Variants in SLC25A23 observed in about 807,000 individuals in gnomAD.
SLC25A23 encodes mitochondrial adenyl nucleotide antiporter SLC25A23.
Under a neutral mutation model 53.9 loss-of-function variants are expected in SLC25A23, and 32 were observed. The observed-to-expected ratio is 0.59, with a 90% confidence interval of 0.45 to 0.80. SLC25A23 has a LOEUF of 0.80. Ranked by LOEUF, SLC25A23 falls within the 30% of genes least tolerant of loss-of-function variation. The probability of loss-of-function intolerance (pLI) is 0.00; values close to 1 mark genes in which losing one functional copy is unlikely to be tolerated. For missense variants in SLC25A23, 575 were observed against 651.4 expected (o/e 0.88, Z 1.28); for synonymous variants, 275 against 264.5 (o/e 1.04, Z -0.38).
In SLC25A23 at chr19:6,452,442, T is replaced by C. The variant is rs2092606094; in HGVS notation, c.941A>G (p.Gln314Arg). 9 of 1,611,974 alleles carry C rather than the reference T, an allele frequency of 5.6e-6. No individual in the cohort carries two copies. The highest frequency in any genetic ancestry group is 7.6e-6 in the Non-Finnish European group (9 of 1,178,548). ...GGCGCAGTCCAGCAGCCCCTTATAC[T>C]GGCCCGTCCGGCGCAAGGTCAGCCG... ...KTRLTLRRTGQYKGLLDCARR... is the reference protein window; with the variant it reads ...KTRLTLRRTGRYKGLLDCARR... Residue 314 changes from glutamine (Q) to arginine (R), a missense_variant, in exon 8 of 10, where the codon CAG becomes CGG. Transcript: ENST00000301454.
rs752493237 is a variant in SLC25A23 at position 6,458,338 on chromosome 19, A to G, written c.157-14T>C. The G allele has an allele frequency of 1.9e-6, 3 of 1,610,218 alleles. No homozygotes were observed. Among genetic ancestry groups the G allele is most frequent in the South Asian group, 1.1e-5 (1 of 90,828 alleles). On this transcript the variant is annotated splice_polypyrimidine_tract_variant and intron_variant, in intron 1 of 9. Transcript: ENST00000301454. Reference sequence around the variant, plus strand: ...AGAGGAGATACCCTGACAGAGGGAAAGGGGATAGAGGTGGCTCCAGGAACC... The same window carrying G: ...AGAGGAGATACCCTGACAGAGGGAAGGGGGATAGAGGTGGCTCCAGGAACC...
chr19:6,448,270 G>A (rs1403795903), intron 8 of SLC25A23, among the ~76,000 whole-genome samples: 1 of 152,190 alleles, frequency 6.6e-6, no homozygotes, highest in Non-Finnish European at 1.5e-5. Context: ...TGCTGTGATG[G>A]ATTAGTAATG....
In SLC25A23 at chr19:6,454,356, G is replaced by A. The variant is rs10402833; in HGVS notation, c.762C>T (p.Pro254=). The A allele has an allele frequency of 0.015, 24,836 of 1,614,062 alleles. 254 individuals carry two copies. Among genetic ancestry groups the A allele is most frequent in the South Asian group, 0.032 (2,912 of 91,066 alleles). Residue 254 remains proline, a synonymous_variant, in exon 6 of 10, where the codon CCC becomes CCT. Coordinates refer to ENST00000301454, the MANE Select transcript of SLC25A23 (RefSeq NM_024103.3). The surrounding 1 kb of genome is among the most constrained non-coding windows in gnomAD (Gnocchi z 4.3). ...GNGINVLKIA[P]ESAIKFMAYE... is the part of the protein sequence containing the mutation. The stretch of plus-strand genomic sequence containing the variant: ...AGGCCATGAACTTGATAGCTGACTC[G>A]GGGGCAATCTTGAGTACATTAATAC...
In SLC25A23 at chr19:6,459,772, G is replaced by T; in HGVS notation, c.-144C>A. The T allele has an allele frequency of 3.1e-6, 2 of 635,560 alleles. No homozygotes were observed. Among genetic ancestry groups the T allele is most frequent in the Non-Finnish European group, 4.4e-6 (2 of 458,796 alleles). The allele number at this position is 635,560 out of a possible 1,614,324, so 39.4% of individuals were successfully genotyped here. On this transcript the variant is annotated 5_prime_UTR_variant, in exon 1 of 10. Transcript: ENST00000301454. This position sits in a 1 kb window ranked among gnomAD's most constrained non-coding sequence, Gnocchi z 4.6. ...CCTCCGCGCAGTCCGCTCGGCTCTG[G>T]CACTTGCGGGAGGTGGTGACGGCTA...
intron 8 of SLC25A23, among the ~76,000 whole-genome samples, chr19:6,451,202 A>G (rs1021784666): frequency 5.9e-5 from 9 of 151,932 alleles, no homozygotes; most frequent in Non-Finnish European, 1.0e-4. Context: ...CAGCCTGGCC[A>G]ACATGGTGAA....
At chr19:6,445,789 C>A (rs529036015) in intron 8 of SLC25A23, among the ~76,000 whole-genome samples, 2 of 152,212 alleles carry the variant, frequency 1.3e-5, no homozygotes, top group East Asian at 1.9e-4. Context: ...TGGTGACTCA[C>A]GCCTGTAATC....
At position 6,444,284 on chromosome 19, in the gene SLC25A23, C is replaced by G; in HGVS notation, c.1089G>C (p.Trp363Cys). The G allele has an allele frequency of 6.2e-7, 1 of 1,608,112 alleles. No individual in the cohort carries two copies. The highest frequency in any genetic ancestry group is 8.5e-7 in the Non-Finnish European group (1 of 1,177,726). The change falls in exon 9 of 10, where the codon TGG (tryptophan) becomes TGC (cysteine). Residue 363 changes from tryptophan to cysteine, a missense_variant. By Grantham distance (215) the Trp-to-Cys change is radical. Transcript: ENST00000301454. ...LAVYETLKNW[W>C]LQQYSHDSAD... ...CCGAGTCGTGGCTGTACTGCTGAAG[C>G]CACCAGTTCTTCAGAGTCTGGAGTG...
chr19:6,449,704 G>A (rs1233126760), intron 8 of SLC25A23, among the ~76,000 whole-genome samples: 2 of 151,446 alleles, frequency 1.3e-5, no homozygotes, highest in African/African-American at 2.4e-5. Flanking sequence ...GTGAGCCACC[G>A]TGCCTGGCCA....
At chr19:6,457,427 G>C (rs781143717) in intron 3 of SLC25A23, 76 bp downstream of exon 3, 42 of 1,339,340 alleles carry the variant, frequency 3.1e-5, no homozygotes, top group Non-Finnish European at 4.3e-5. Flanking sequence ...ACTGGGTCTG[G>C]AGCCCAGAAG....
downstream of SLC25A23, among the ~76,000 whole-genome samples, chr19:6,436,616 C>T (rs1046903692): frequency 6.6e-6 from 1 of 151,194 alleles, no homozygotes; most frequent in Non-Finnish European, 1.5e-5. Flanking sequence ...GTGGCACAAT[C>T]TCGACTCACT....
At chr19:6,436,498 AG>A, downstream of SLC25A23, 6 of 350,570 alleles carry the variant, frequency 1.7e-5, no homozygotes, top group Middle Eastern at 4.0e-4. Flanking sequence ...AGAAAGGGGG[AG>A]AGAGAGAGAG....
intron 4 of SLC25A23, chr19:6,456,175 C>T (rs2145055485): frequency 1.5e-6 from 2 of 1,320,260 alleles, no homozygotes; most frequent in Non-Finnish European, 2.0e-6. Flanking sequence ...ACACGCTGTC[C>T]CCAGAGGCCC....
At chr19:6,446,997 T>C (rs1250325166) in intron 8 of SLC25A23, among the ~76,000 whole-genome samples, 1 of 151,284 alleles carries the variant, frequency 6.6e-6, no homozygotes, top group Admixed American at 6.6e-5. Flanking sequence ...ATGTCCAGGG[T>C]TGCTGGGAAC....
At position 6,449,500 on chromosome 19, in the gene SLC25A23, C is replaced by T. The variant is rs981373117; in HGVS notation, c.1071+2812G>A. Among the ~76,000 whole-genome samples the T allele has an allele frequency of 4.6e-5, 7 of 152,058 alleles. No individual in the cohort carries two copies. The South Asian group carries it at 6.2e-4, about 14-fold the overall frequency. Reference sequence around the variant, plus strand: ...CACGATCTCAGCTCACTGCAAGCTCCGCTTCCCAGGTTCATGCCATTCTCC... The same window carrying T: ...CACGATCTCAGCTCACTGCAAGCTCTGCTTCCCAGGTTCATGCCATTCTCC... On this transcript the variant is annotated intron_variant, in intron 8 of 9. Transcript: ENST00000301454.
At chr19:6,453,547 T>C (rs1301714316) in intron 7 of SLC25A23, among the ~76,000 whole-genome samples, 1 of 152,192 alleles carries the variant, frequency 6.6e-6, no homozygotes, top group Non-Finnish European at 1.5e-5. Context: ...GCTGACATGA[T>C]TTAAGTTTTC....
rs2092631434 is a variant in SLC25A23 at position 6,453,848 on chromosome 19, C to T, written c.903+133G>A. 6 of 670,062 alleles carry T rather than the reference C, an allele frequency of 9.0e-6. No homozygotes were observed. In the Admixed American group the frequency reaches 1.4e-4, roughly 15 times the overall value. 41.5% of individuals were successfully genotyped at this position (670,062 alleles called of 1,614,324 possible). Reference sequence around the variant, plus strand: ...AGGCTACACATGAAATTGCATTACTCTGATGAGCTATACTCCAAATCAGAG... The same window carrying T: ...AGGCTACACATGAAATTGCATTACTTTGATGAGCTATACTCCAAATCAGAG... On this transcript the variant is annotated intron_variant, in intron 7 of 9. Coordinates refer to ENST00000301454, the MANE Select transcript of SLC25A23 (RefSeq NM_024103.3).
Position 6,440,312 on chromosome 19 carries a change from GA to G in SLC25A23, c.*1662del, listed in dbSNP as rs2092401114. On this transcript the variant is annotated 3_prime_UTR_variant, in exon 10 of 10. Coordinates refer to ENST00000301454, the MANE Select transcript of SLC25A23 (RefSeq NM_024103.3). The stretch of plus-strand genomic sequence containing the variant: ...GAGGACTTTGCTCCTCTCTCTGGTA[GA>G]AAAATAGATCTGGAATGAATTTGGG... 1 of 152,598 alleles carries G rather than the reference GA, an allele frequency of 6.6e-6. No homozygotes were observed. The highest frequency in any genetic ancestry group is 1.9e-4 in the East Asian group (1 of 5,196). 9.5% of individuals were successfully genotyped at this position (152,598 alleles called of 1,614,324 possible).
At chr19:6,455,707 G>GT (rs529957147) in intron 4 of SLC25A23, among the ~76,000 whole-genome samples, 3,250 of 124,614 alleles carry the variant, frequency 0.026, 194 homozygotes, top group Non-Finnish European at 0.032. Flanking sequence ...TGAAGACCGT[G>GT]TTTTTTTTTT....
intron 9 of SLC25A23, among the ~76,000 whole-genome samples, chr19:6,443,206 T>C (rs2092449644): frequency 6.6e-6 from 1 of 152,094 alleles, no homozygotes; most frequent in East Asian, 1.9e-4. Flanking sequence ...CCCAAGGTGC[T>C]GGGATGGCAG....
Sources: allele counts gnomAD v4.1 joint callset (sites outside exome capture counted in the v4.1 genomes callset), GRCh38; gene constraint gnomAD v4.1.1; non-coding constraint Gnocchi (gnomAD v3.1); transcripts MANE v1.5; gene names NCBI Gene and HGNC (gene_info 2026-07-23, HGNC 2026-07-21).